Variants in MAPRE1 observed in about 807,000 individuals in gnomAD.
MAPRE1 encodes microtubule associated protein RP/EB family member 1.
Under a neutral mutation model 32.1 loss-of-function variants are expected in MAPRE1, and 5 were observed. The observed-to-expected ratio is 0.16, with a 90% CI of 0.08 to 0.33. The LOEUF is 0.33. Among genes scored for constraint, MAPRE1 ranks in the 10% least tolerant of loss-of-function variants. The pLI, the probability that MAPRE1 is intolerant of heterozygous loss-of-function variation, is 1.00. For missense variants in MAPRE1, 209 were observed against 327.2 expected (o/e 0.64, Z 2.79); for synonymous variants, 122 against 118.9 (o/e 1.03, Z -0.17).
intron 2 of MAPRE1, among the ~76,000 whole-genome samples, chr20:32,831,030 A>G (rs888025832): frequency 3.9e-5 from 6 of 152,136 alleles, no homozygotes; most frequent in Non-Finnish European, 7.4e-5. Flanking sequence ...AGCCTCTTCA[A>G]ACATTTTTGC....
chr20:32,846,430 T>C (rs1271504812), intron 5 of MAPRE1, among the ~76,000 whole-genome samples, 188 bp from the exon 6 acceptor site: 1 of 152,182 alleles, frequency 6.6e-6, no homozygotes, highest in East Asian at 1.9e-4. Flanking sequence ...GCTGTTACCG[T>C]CAAGGTTGCT....
chr20:32,825,606 C>T (rs1247832994), intron 1 of MAPRE1, among the ~76,000 whole-genome samples: 1 of 152,082 alleles, frequency 6.6e-6, no homozygotes, highest in African/African-American at 2.4e-5. Context: ...ACCAGCCTGG[C>T]CAACATGGTG....
intron 1 of MAPRE1, among the ~76,000 whole-genome samples, chr20:32,823,117 T>G (rs550395051): frequency 6.6e-6 from 1 of 152,326 alleles, no homozygotes; most frequent in African/African-American, 2.4e-5. Flanking sequence ...CTGGGAGATG[T>G]GAGGGCACGC....
chr20:32,844,804 T>A (rs1315834505), intron 5 of MAPRE1, among the ~76,000 whole-genome samples: 1 of 152,184 alleles, frequency 6.6e-6, no homozygotes, highest in African/African-American at 2.4e-5. Context: ...CCCTGCCTTT[T>A]GGATTGTGGA....
rs1217655694 is a variant in MAPRE1, at chr20:32,848,911, C to G, written c.*183C>G. ...TTTTCCAATAAGTTTGAGTTAGGAG[C>G]TTTTACCTTGTAGCAGAGCAGTATT... On this transcript the variant is annotated 3_prime_UTR_variant, in exon 7 of 7. Transcript: ENST00000375571. The G allele has an allele frequency of 5.2e-5, 27 of 520,014 alleles. No individual in the cohort carries two copies. Among genetic ancestry groups the G allele is most frequent in the Non-Finnish European group, 3.4e-6 (1 of 295,538 alleles). 32.2% of individuals were successfully genotyped at this position (520,014 alleles called of 1,614,324 possible). A position where few individuals can be genotyped will look rare whatever the true frequency, so the allele number is the denominator to read the frequency against.
rs748926881 is a variant in MAPRE1, at chr20:32,828,368, G to A, written c.121+2320G>A. ...TTCCCTCTAAAATTTACCTTTTTCT[G>A]TAAATATATTCCAAAGTCTATTTCA... On this transcript the variant is annotated intron_variant, in intron 2 of 6. Transcript: ENST00000375571. 8.5e-5 allele frequency among the ~76,000 whole-genome samples: 13 copies of A among 152,256 alleles called. No homozygotes were observed. In the South Asian group the frequency reaches 2.3e-3, roughly 27 times the overall value.
intron 4 of MAPRE1, among the ~76,000 whole-genome samples, chr20:32,837,578 A>C (rs1414926907): frequency 6.6e-6 from 1 of 152,206 alleles, no homozygotes; most frequent in Non-Finnish European, 1.5e-5. Context: ...CAAGAATATT[A>C]GTTAAGGTTT....
At chr20:32,831,201 T>A in intron 2 of MAPRE1, among the ~76,000 whole-genome samples, 1 of 152,016 alleles carries the variant, frequency 6.6e-6, no homozygotes, top group South Asian at 2.1e-4. Context: ...TCCAGCACTT[T>A]GGGAGGCCGA....
At chr20:32,834,595 G>A (rs1269624300) in intron 3 of MAPRE1, among the ~76,000 whole-genome samples, 1 of 151,668 alleles carries the variant, frequency 6.6e-6, no homozygotes, top group Non-Finnish European at 1.5e-5. Flanking sequence ...TATCTTGCTG[G>A]TGTCTGGTTT....
At chr20:32,831,036 T>C (rs898112937) in intron 2 of MAPRE1, among the ~76,000 whole-genome samples, 4 of 151,908 alleles carry the variant, frequency 2.6e-5, no homozygotes, top group African/African-American at 9.7e-5. Context: ...TTCAAACATT[T>C]TTGCCTAAGT....
At chr20:32,844,976 G>A (rs2146140107) in intron 5 of MAPRE1, among the ~76,000 whole-genome samples, 1 of 152,012 alleles carries the variant, frequency 6.6e-6, no homozygotes, top group South Asian at 2.1e-4. Context: ...CCGGCCACCA[G>A]GCAGTAGCTG....
chr20:32,829,159 A>C (rs899631442), intron 2 of MAPRE1, among the ~76,000 whole-genome samples: 10 of 151,988 alleles, frequency 6.6e-5, no homozygotes, highest in African/African-American at 2.2e-4. Flanking sequence ...TGATCCGCCC[A>C]CCTCGGCCTC....
intron 2 of MAPRE1, among the ~76,000 whole-genome samples, chr20:32,827,404 G>A (rs1459576309): frequency 2.0e-5 from 3 of 151,728 alleles, no homozygotes; most frequent in South Asian, 2.1e-4. Flanking sequence ...GCGAGACTCC[G>A]TCTCAAAAAA....
chr20:32,833,668 T>A, intron 2 of MAPRE1, 49 bp from the exon 3 acceptor site: 1 of 1,568,290 alleles, frequency 6.4e-7, no homozygotes. Context: ...TGGGAAGAAG[T>A]TCACCCTGCT....
rs1982835599 is a variant in MAPRE1, at chr20:32,826,021, C to A, written c.94C>A (p.Leu32Met). The A allele has an allele frequency of 1.2e-6, 2 of 1,608,182 alleles. No homozygotes were observed. The change falls in exon 2 of 7, where the codon CTG becomes ATG. Residue 32 changes from leucine (L) to methionine (M), a missense_variant. This residue lies in a region of MAPRE1 where 67 missense variants were observed against 140.0 expected (regional missense o/e 0.48). Coordinates refer to ENST00000375571, the MANE Select transcript of MAPRE1 (RefSeq NM_012325.3). ...GATCAATGAGTCTCTGCAGTTGAAT[C>A]TGACAAAGATCGAACAGTTGTGCTC... ...AWINESLQLN[L>M]TKIEQLCSGA...
intron 5 of MAPRE1, 82 bp from the exon 6 acceptor site, chr20:32,846,536 C>T (rs942703396): frequency 2.2e-6 from 3 of 1,335,604 alleles, no homozygotes; most frequent in Non-Finnish European, 3.2e-6. Context: ...AAGACCACAT[C>T]TCCTTTTGGG....
At chr20:32,826,447 C>T (rs1982851332) in intron 2 of MAPRE1, among the ~76,000 whole-genome samples, 1 of 148,670 alleles carries the variant, frequency 6.7e-6, no homozygotes, top group African/African-American at 2.5e-5. Flanking sequence ...GTCTTGATCT[C>T]CTGACCTCAT....
chr20:32,822,167 TGGGGTGTGGTCA>T (rs1231271256), intron 1 of MAPRE1, among the ~76,000 whole-genome samples: 2 of 152,322 alleles, frequency 1.3e-5, no homozygotes, highest in East Asian at 3.9e-4. Flanking sequence ...TTTTTTGAGC[TGGGGTGTGGTCA>T]GGAGACACAC....
intron 3 of MAPRE1, among the ~76,000 whole-genome samples, chr20:32,836,193 G>A (rs972699505): frequency 2.6e-5 from 4 of 152,256 alleles, no homozygotes; most frequent in South Asian, 2.1e-4. Context: ...ACTCTTGCCC[G>A]CCTTGGCCTC....
Sources: allele counts gnomAD v4.1 joint callset (sites outside exome capture counted in the v4.1 genomes callset), GRCh38; gene constraint gnomAD v4.1.1; regional missense constraint gnomAD v4.1.1; transcripts MANE v1.5; gene names NCBI Gene and HGNC (gene_info 2026-07-23, HGNC 2026-07-21).